The following ZSWIM2 variants were observed in gnomAD, a reference collection of about 807,000 sequenced individuals.
The protein encoded by ZSWIM2 is zinc finger SWIM-type containing 2, also known as E3 ubiquitin-protein ligase ZSWIM2.
Under a neutral mutation model 48.4 loss-of-function variants are expected in ZSWIM2, and 38 were observed. The observed-to-expected ratio is 0.79, with a 90% confidence interval of 0.61 to 1.03. The LOEUF is 1.03. Among genes scored for constraint, ZSWIM2 ranks in the 50% least tolerant of loss-of-function variants. The pLI is 0.00. For missense variants in ZSWIM2, 776 were observed against 730.2 expected (o/e 1.06, Z -0.72); for synonymous variants, 240 against 251.3 (o/e 0.96, Z 0.42).
Position 186,827,962 on chromosome 2 carries a change from T to C in ZSWIM2, c.*22A>G. On this transcript the variant is annotated 3_prime_UTR_variant, in exon 9 of 9. Transcript: ENST00000295131. ...CATTTTTTTATATTCAACATTCAAA[T>C]ATTTTCAGATAGTAAACTTTTTCAC... is the stretch of plus-strand genomic sequence containing the variant. 1 of 1,508,220 alleles carries C rather than the reference T, an allele frequency of 6.6e-7. No individual in the cohort carries two copies. The highest frequency in any genetic ancestry group is 8.9e-7 in the Non-Finnish European group (1 of 1,126,482). The allele number at this position is 1,508,220 out of a possible 1,614,324, so 93.4% of individuals were successfully genotyped here. A position where few individuals can be genotyped will look rare whatever the true frequency, so the allele number is the denominator to read the frequency against.
Position 186,829,776 on chromosome 2 carries a change from T to A in ZSWIM2, c.1046A>T (p.Lys349Met), listed in dbSNP as rs1393972845. ...APGYQCLLCL[K>M]AFHLGQHTRL... ...TGTATGTTGACCAAGATGAAATGCC[T>A]TCAAACAAAGTAGACACTGGTAGCC... Residue 349 changes from lysine (K) to methionine (M), a missense_variant, in exon 8 of 9, where the codon AAG (lysine) becomes ATG (methionine). Transcript: ENST00000295131. The A allele has an allele frequency of 6.2e-7, 1 of 1,613,612 alleles. No individual in the cohort carries two copies. Among genetic ancestry groups the A allele is most frequent in the Non-Finnish European group, 8.5e-7 (1 of 1,179,720 alleles).
intron 5 of ZSWIM2, among the ~76,000 whole-genome samples, chr2:186,835,361 T>G (rs949341294): frequency 1.3e-5 from 2 of 152,162 alleles, no homozygotes; most frequent in Non-Finnish European, 2.9e-5. Flanking sequence ...TGAGCAGTAG[T>G]CAAGTAAACT....
At chr2:186,847,506 T>A (rs971331892) in intron 2 of ZSWIM2, among the ~76,000 whole-genome samples, 11 of 152,254 alleles carry the variant, frequency 7.2e-5, no homozygotes, top group African/African-American at 2.4e-4. Flanking sequence ...AGCATTAACA[T>A]TATAAAATGG....
chr2:186,846,806 C>CATATAT (rs1388154833), intron 2 of ZSWIM2, among the ~76,000 whole-genome samples: 601 of 43,322 alleles, frequency 0.014, 10 homozygotes, highest in African/African-American at 0.051. Context: ...TACACACACA[C>CATATAT]ACACATATAT....
intron 2 of ZSWIM2, among the ~76,000 whole-genome samples, chr2:186,846,435 C>T (rs1474426454): frequency 1.3e-5 from 2 of 151,846 alleles, no homozygotes; most frequent in African/African-American, 4.8e-5. Context: ...AATGAGATAT[C>T]ATCTTATACA....
chr2:186,837,629 T>TA (rs1553517377), intron 4 of ZSWIM2, 75 bp from the exon 5 acceptor site: 167 of 359,366 alleles, frequency 4.6e-4, no homozygotes, highest in African/African-American at 3.7e-3. Flanking sequence ...TATATATATA[T>TA]TATATATATA....
chr2:186,839,973 T>G (rs1421307956), intron 3 of ZSWIM2, among the ~76,000 whole-genome samples: 1 of 151,676 alleles, frequency 6.6e-6, no homozygotes, highest in Non-Finnish European at 1.5e-5. Context: ...CTATTGATTT[T>G]ATGTATCTTT....
intron 5 of ZSWIM2, 40 bp downstream of exon 5, chr2:186,837,266 A>G (rs1392342408): frequency 6.3e-7 from 1 of 1,599,062 alleles, no homozygotes; most frequent in Admixed American, 1.7e-5. Flanking sequence ...GTAAAAAAAT[A>G]AAAAAGAACA....
intron 1 of ZSWIM2, among the ~76,000 whole-genome samples, chr2:186,848,428 A>G (rs533076095): frequency 1.3e-5 from 2 of 152,182 alleles, no homozygotes; most frequent in South Asian, 4.1e-4. Flanking sequence ...CAATTATGAA[A>G]TATCTGTGGT....
chr2:186,839,107 C>A lies in ZSWIM2; in HGVS notation c.346G>T (p.Val116Phe). The A allele has an allele frequency of 6.2e-7, 1 of 1,611,812 alleles. No homozygotes were observed. The highest frequency in any genetic ancestry group is 8.5e-7 in the Non-Finnish European group (1 of 1,178,422). ...TTTGTTCCTGGTTGGGGAGTTTGAA[C>A]TCGATGTATCCCCCGAAGCAAGTCA... Reference protein sequence around the residue: ...ISDLLRGIHRVQTPQPGTNDE... With the variant: ...ISDLLRGIHRFQTPQPGTNDE... Residue 116 changes from valine (V) to phenylalanine (F), a missense_variant, in exon 4 of 9, where the codon GTT (valine) becomes TTT (phenylalanine). By Grantham distance (50) the Val-to-Phe change is conservative. Transcript: ENST00000295131.
rs72348328 is a variant in ZSWIM2 at position 186,837,612 on chromosome 2, G to GTATATATATATA, written c.495-70_495-59dup. On this transcript the variant is annotated intron_variant, in intron 4 of 8. Coordinates refer to ENST00000295131, the MANE Select transcript of ZSWIM2 (RefSeq NM_182521.3). ...TATAGAGCAGTTTTACATATCCATT[G>GTATATATATATA]TATATATATATATATATTATATATA... 1.0e-5 allele frequency: 5 copies of GTATATATATATA among 481,884 alleles called. No individual in the cohort carries two copies. In the African/African-American group the frequency reaches 1.1e-4, roughly 10 times the overall value. The allele number at this position is 481,884 out of a possible 1,614,324, so 29.9% of individuals were successfully genotyped here. A position where few individuals can be genotyped will look rare whatever the true frequency, so the allele number is the denominator to read the frequency against.
At position 186,839,085 on chromosome 2, in the gene ZSWIM2, G is replaced by T. The variant is rs1009935733; in HGVS notation, c.368C>A (p.Thr123Lys). 4 of 1,611,788 alleles carry T rather than the reference G, an allele frequency of 2.5e-6. No homozygotes were observed. Among genetic ancestry groups the T allele is most frequent in the Non-Finnish European group, 2.5e-6 (3 of 1,178,456 alleles). Residue 123 changes from threonine to lysine, a missense_variant, in exon 4 of 9, where the codon ACA (threonine) becomes AAA (lysine). Physicochemically the swap from Thr to Lys is moderately conservative, Grantham distance 78. Transcript: ENST00000295131. ...TTCAACATGTTCATTTTCGTCATTT[G>T]TTCCTGGTTGGGGAGTTTGAACTCG... ...IHRVQTPQPG[T>K]NDENEHVEED...
chr2:186,837,574 A>C lies in ZSWIM2; in HGVS notation c.495-20T>G, dbSNP rs2105818976. 6.3e-7 allele frequency: 1 copy of C among 1,595,016 alleles called. No individual in the cohort carries two copies. The highest frequency in any genetic ancestry group is 8.5e-7 in the Non-Finnish European group (1 of 1,170,270). On this transcript the variant is annotated intron_variant, in intron 4 of 8. Transcript: ENST00000295131. ...CCAAACCTATGAGAGATAAAATTGAAGTTTACCATTTGTATAGAGCAGTTT... is the reference window on the plus strand; with the variant it reads ...CCAAACCTATGAGAGATAAAATTGACGTTTACCATTTGTATAGAGCAGTTT...
At chr2:186,830,799 C>G (rs10179285) in intron 7 of ZSWIM2, among the ~76,000 whole-genome samples, 70,470 of 151,864 alleles carry the variant, frequency 0.46, 18,226 homozygotes, top group African/African-American at 0.7. Context: ...TGATGCCACT[C>G]CAACTGGTAA....
At chr2:186,839,603 G>T (rs867019502) in intron 3 of ZSWIM2, among the ~76,000 whole-genome samples, 23 of 151,744 alleles carry the variant, frequency 1.5e-4, no homozygotes, top group African/African-American at 5.6e-4. Flanking sequence ...AGATGAATAA[G>T]TGAATTAAAT....
chr2:186,831,504 A>T (rs1291505612), intron 7 of ZSWIM2, among the ~76,000 whole-genome samples: 3 of 151,916 alleles, frequency 2.0e-5, no homozygotes, highest in Non-Finnish European at 2.9e-5. Flanking sequence ...AAAAGTCGTG[A>T]CCCAGCCATC....
At chr2:186,835,561 A>G (rs1050880754) in intron 5 of ZSWIM2, among the ~76,000 whole-genome samples, 1 of 152,180 alleles carries the variant, frequency 6.6e-6, no homozygotes, top group Non-Finnish European at 1.5e-5. Flanking sequence ...ACATCAAAGT[A>G]TGCTGGGCTA....
Position 186,839,052 on chromosome 2 carries a change from C to G in ZSWIM2, c.401G>C (p.Gly134Ala), listed in dbSNP as rs778497427. 3 of 1,611,340 alleles carry G rather than the reference C, an allele frequency of 1.9e-6. No homozygotes were observed. The highest frequency in any genetic ancestry group is 1.7e-6 in the Non-Finnish European group (2 of 1,178,214). The change falls in exon 4 of 9, where the codon GGG (glycine) becomes GCG (alanine). Residue 134 changes from glycine to alanine, a missense_variant. Physicochemically the swap from Gly to Ala is moderately conservative, Grantham distance 60. Transcript: ENST00000295131. ...NDENEHVEED[G>A]YIKQKEIDSE... is the part of the protein sequence containing the mutation. ...ATCAATTTCCTTCTGTTTAATGTAC[C>G]CATCTTCTTCAACATGTTCATTTTC...
chr2:186,836,862 G>T (rs1414048446), intron 5 of ZSWIM2, among the ~76,000 whole-genome samples: 1 of 152,042 alleles, frequency 6.6e-6, no homozygotes, highest in Non-Finnish European at 1.5e-5. Flanking sequence ...GAGTAGGGGG[G>T]ACTGGATTAA....
Sources: allele counts gnomAD v4.1 joint callset (sites outside exome capture counted in the v4.1 genomes callset), GRCh38; gene constraint gnomAD v4.1.1; transcripts MANE v1.5; gene names NCBI Gene and HGNC (gene_info 2026-07-23, HGNC 2026-07-21).